Variants in MTMR9 observed in about 807,000 individuals in gnomAD.
MTMR9 encodes myotubularin related protein 9.
MTMR9 carries 39 observed loss-of-function variants against 69.5 expected under a neutral mutation model. The ratio of observed to expected loss-of-function variants is 0.56; its 90% CI spans 0.43 to 0.73. The LOEUF (loss-of-function observed/expected upper bound fraction) is 0.73. Among genes scored for constraint, MTMR9 ranks in the 30% least tolerant of loss-of-function variants. The probability of loss-of-function intolerance (pLI) is 0.00; values close to 1 mark genes in which losing one functional copy is unlikely to be tolerated. For synonymous variants in MTMR9, 354 were observed against 240.8 expected (o/e 1.47, Z -4.35); for missense variants, 900 against 671.2 (o/e 1.34, Z -3.77).
rs769963819 is a variant in MTMR9, at chr8:11,300,086, G to C, written c.355G>C (p.Val119Leu). The change falls in exon 3 of 10, where the codon GTG becomes CTG. Residue 119 changes from valine to leucine, a missense_variant. Physicochemically the swap from Val to Leu is conservative, Grantham distance 32. Coordinates refer to ENST00000221086, the MANE Select transcript of MTMR9 (RefSeq NM_015458.4). Reference sequence around the variant, plus strand: ...TTTCTTTTACCGTCCTATGTTTGAAGTGATAGAAGATGGCTGGCATTCCTT... The same window carrying C: ...TTTCTTTTACCGTCCTATGTTTGAACTGATAGAAGATGGCTGGCATTCCTT... ...YPFFYRPMFEVIEDGWHSFLP... is the reference protein window; with the variant it reads ...YPFFYRPMFELIEDGWHSFLP... The C allele has an allele frequency of 5.3e-5, 86 of 1,613,600 alleles. No homozygotes were observed. Among genetic ancestry groups the C allele is most frequent in the Non-Finnish European group, 7.1e-5 (84 of 1,179,754 alleles).
At chr8:11,288,770 G>A (rs578125661) in intron 1 of MTMR9, among the ~76,000 whole-genome samples, 4 of 152,358 alleles carry the variant, frequency 2.6e-5, no homozygotes, top group African/African-American at 7.2e-5. Flanking sequence ...GGAAGCAGCA[G>A]CTGATAGATG....
intron 6 of MTMR9, among the ~76,000 whole-genome samples, chr8:11,311,006 A>G (rs1211924397): frequency 6.6e-6 from 1 of 152,168 alleles, no homozygotes; most frequent in African/African-American, 2.4e-5. Flanking sequence ...TTTTTCTGAT[A>G]TATATTGGCC....
intron 6 of MTMR9, among the ~76,000 whole-genome samples, chr8:11,310,582 C>T (rs1800157101): frequency 6.6e-6 from 1 of 152,142 alleles, no homozygotes; most frequent in African/African-American, 2.4e-5. Flanking sequence ...GCCAGGCTAT[C>T]CCTGTTCTTT....
intron 1 of MTMR9, among the ~76,000 whole-genome samples, chr8:11,288,131 A>ATT (rs1799247927): frequency 7.5e-6 from 1 of 133,220 alleles, no homozygotes; most frequent in African/African-American, 2.8e-5. Flanking sequence ...TATTCACCTA[A>ATT]ATATTCACCT....
intron 1 of MTMR9, among the ~76,000 whole-genome samples, chr8:11,286,801 A>G (rs552398303): frequency 6.6e-6 from 1 of 151,880 alleles, no homozygotes; most frequent in Admixed American, 6.6e-5. Context: ...TCTTTTAACG[A>G]GCCTTTCTTG....
downstream of MTMR9, among the ~76,000 whole-genome samples, chr8:11,329,912 G>A (rs930448599): frequency 1.3e-5 from 2 of 151,714 alleles, no homozygotes; most frequent in African/African-American, 2.4e-5. Flanking sequence ...TGTGGGGAGC[G>A]CCTCTGCCCG....
intron 4 of MTMR9, 122 bp from the exon 5 acceptor site, chr8:11,306,068 A>G (rs1480281764): frequency 9.3e-6 from 7 of 750,398 alleles, no homozygotes; most frequent in African/African-American, 8.8e-5. Context: ...TTATGGATCA[A>G]ATCCATCTGC....
At chr8:11,300,356 C>T (rs1406272427) in intron 3 of MTMR9, 1 of 393,176 alleles carries the variant, frequency 2.5e-6, no homozygotes, top group East Asian at 5.2e-5. Flanking sequence ...ACTAAGATAT[C>T]TAGGAATACC....
At chr8:11,330,020 G>C (rs1022392681), downstream of MTMR9, among the ~76,000 whole-genome samples, 7 of 150,004 alleles carry the variant, frequency 4.7e-5, no homozygotes, top group African/African-American at 1.7e-4. Context: ...CGTCTGGGAA[G>C]TGAGGAGCAC....
At chr8:11,328,155 C>T (rs1444512767), downstream of MTMR9, 2 of 105,638 alleles carry the variant, frequency 1.9e-5, no homozygotes, top group East Asian at 1.2e-3. Flanking sequence ...AATCTGTGGG[C>T]TTATTTGAAT....
At position 11,322,801 on chromosome 8, in the gene MTMR9, C is replaced by A; in HGVS notation, c.*13C>A. On this transcript the variant is annotated 3_prime_UTR_variant, in exon 10 of 10. Transcript: ENST00000221086. ...GGAGAGTCCCTGAAAGGTCTCCTCG[C>A]ACCCTTCGCAAGGACCTTCTTGGGC... 1 of 1,606,590 alleles carries A rather than the reference C, an allele frequency of 6.2e-7. No homozygotes were observed. Among genetic ancestry groups the A allele is most frequent in the African/African-American group, 1.3e-5 (1 of 74,668 alleles).
chr8:11,337,668 G>A, the MTMR9 span, among the ~76,000 whole-genome samples: 369 of 152,380 alleles, frequency 2.4e-3, 2 homozygotes, highest in African/African-American at 8.4e-3. Flanking sequence ...TGTGAAAGTA[G>A]ACTCGGTCCT....
chr8:11,285,357 A>G (rs1799110592), intron 1 of MTMR9: 1 of 321,744 alleles, frequency 3.1e-6, no homozygotes, highest in Non-Finnish European at 5.7e-6. Flanking sequence ...CATTGTCTTT[A>G]TAAATTTCTT....
chr8:11,285,283 C>A, intron 1 of MTMR9: 1 of 519,530 alleles, frequency 1.9e-6, no homozygotes, highest in Non-Finnish European at 3.4e-6. Context: ...TCAGGGTTAT[C>A]GTGTGGCTGG....
chr8:11,306,494 C>T (rs763031831), intron 5 of MTMR9, 87 bp downstream of exon 5: 39 of 1,186,506 alleles, frequency 3.3e-5, no homozygotes, highest in Non-Finnish European at 4.3e-5. Flanking sequence ...CACAAGTGCT[C>T]AAATTAACTT....
At chr8:11,336,438 C>T in the MTMR9 span, among the ~76,000 whole-genome samples, 1 of 152,204 alleles carries the variant, frequency 6.6e-6, no homozygotes, top group East Asian at 1.9e-4. Context: ...CTTTGGTGAA[C>T]ATTCACACCG....
chr8:11,306,856 C>G (rs1435727342), intron 5 of MTMR9, among the ~76,000 whole-genome samples: 1 of 152,148 alleles, frequency 6.6e-6, no homozygotes, highest in African/African-American at 2.4e-5. Flanking sequence ...ATATCTGTGT[C>G]CCTCCTACCC....
intron 3 of MTMR9, chr8:11,300,800 A>G (rs1382487836): frequency 6.6e-6 from 1 of 152,248 alleles, no homozygotes; most frequent in African/African-American, 2.4e-5. Context: ...AAAGACATAA[A>G]ACATTGTTGG....
chr8:11,285,854 C>T (rs1015171254), intron 1 of MTMR9, among the ~76,000 whole-genome samples: 3 of 151,606 alleles, frequency 2.0e-5, no homozygotes, highest in African/African-American at 7.3e-5. Context: ...AAATGAATGA[C>T]GACAACATTT....
Sources: allele counts gnomAD v4.1 joint callset (sites outside exome capture counted in the v4.1 genomes callset), GRCh38; gene constraint gnomAD v4.1.1; transcripts MANE v1.5; gene names NCBI Gene and HGNC (gene_info 2026-07-23, HGNC 2026-07-21).